FAM135B: variants seen among roughly 807,000 people sequenced by gnomAD.
The protein encoded by FAM135B is family with sequence similarity 135 member B.
In FAM135B, 43 loss-of-function variants were observed where a neutral mutation model predicts 127.7. The observed-to-expected ratio is 0.34, with a 90% CI of 0.26 to 0.43. The LOEUF (loss-of-function observed/expected upper bound fraction) is 0.43. Among genes scored for constraint, FAM135B ranks in the 20% least tolerant of loss-of-function variants. FAM135B has a pLI of 1.00. For synonymous variants in FAM135B, 670 were observed against 665.1 expected (o/e 1.01, Z -0.11); for missense variants, 1,558 against 1,725.6 (o/e 0.90, Z 1.72).
intron 7 of FAM135B, among the ~76,000 whole-genome samples, chr8:138,239,801 A>G (rs1487203111): frequency 6.6e-6 from 1 of 152,206 alleles, no homozygotes; most frequent in Non-Finnish European, 1.5e-5. Context: ...CACATACACC[A>G]TGGAATACTA....
At position 138,174,659 on chromosome 8, in the gene FAM135B, T is replaced by C. The variant is rs575968685; in HGVS notation, c.1103+2688A>G. Among the ~76,000 whole-genome samples, 2 of 152,330 alleles carry C rather than the reference T, an allele frequency of 1.3e-5. 1 individual carries two copies. Among genetic ancestry groups the C allele is most frequent in the African/African-American group, 4.8e-5 (2 of 41,586 alleles). ...TACTATTTACTGAATGCTTACAACA[T>C]TCTCTAATCTCTAAAGTCACTCAGA... On this transcript the variant is annotated intron_variant, in intron 11 of 19. Transcript: ENST00000395297.
intron 3 of FAM135B, among the ~76,000 whole-genome samples, chr8:138,269,569 C>T (rs1823207037): frequency 6.6e-6 from 1 of 152,134 alleles, no homozygotes; most frequent in Non-Finnish European, 1.5e-5. Flanking sequence ...CATATTAGAG[C>T]CAACAGAAGT....
At chr8:138,436,798 G>C (rs1042097883) in intron 1 of FAM135B, 1 of 152,194 alleles carries the variant, frequency 6.6e-6, no homozygotes, top group Non-Finnish European at 1.5e-5. Flanking sequence ...AATCCTTTAA[G>C]ATTTCTGAGT....
chr8:138,221,809 A>C (rs1345331453), intron 7 of FAM135B, among the ~76,000 whole-genome samples: 1 of 152,234 alleles, frequency 6.6e-6, no homozygotes, highest in Admixed American at 6.5e-5. Flanking sequence ...ACCACATCCA[A>C]TTACAAAGCT....
chr8:138,335,723 C>T (rs1209608557), intron 2 of FAM135B, among the ~76,000 whole-genome samples: 5 of 152,138 alleles, frequency 3.3e-5, no homozygotes, highest in African/African-American at 1.2e-4. Context: ...CAAGGATATC[C>T]AGGAATTGAG....
At chr8:138,494,521 T>C (rs1815313163) in intron 1 of FAM135B, among the ~76,000 whole-genome samples, 2 of 151,980 alleles carry the variant, frequency 1.3e-5, no homozygotes, top group Non-Finnish European at 2.9e-5. Context: ...GGCATTTGAG[T>C]TGGGTTGTTA....
intron 7 of FAM135B, among the ~76,000 whole-genome samples, chr8:138,217,494 G>C (rs1332931409): frequency 6.9e-6 from 1 of 144,432 alleles, no homozygotes; most frequent in Non-Finnish European, 1.5e-5. Context: ...GCAGTGGCAC[G>C]ATCTCGGCTC....
intron 11 of FAM135B, among the ~76,000 whole-genome samples, chr8:138,169,098 T>G (rs546525934): frequency 6.6e-6 from 1 of 152,246 alleles, no homozygotes; most frequent in South Asian, 2.1e-4. Flanking sequence ...ATAATATTTA[T>G]GTATGTATAT....
chr8:138,434,187 T>G (rs1835345559), intron 1 of FAM135B, among the ~76,000 whole-genome samples: 1 of 152,230 alleles, frequency 6.6e-6, no homozygotes, highest in South Asian at 2.1e-4. Flanking sequence ...TAATCACCAC[T>G]CTTCATATTT....
chr8:138,383,942 C>G (rs948291152), intron 1 of FAM135B, among the ~76,000 whole-genome samples: 1 of 152,138 alleles, frequency 6.6e-6, no homozygotes, highest in Non-Finnish European at 1.5e-5. Flanking sequence ...CTTTTCCTAG[C>G]CGCCCAGAGG....
intron 2 of FAM135B, among the ~76,000 whole-genome samples, chr8:138,324,214 A>G (rs1827647768): frequency 6.6e-6 from 1 of 152,226 alleles, no homozygotes; most frequent in Non-Finnish European, 1.5e-5. Context: ...TGAAAATTCT[A>G]TGAATTGTAC....
At chr8:138,233,241 C>T (rs1820031818) in intron 7 of FAM135B, among the ~76,000 whole-genome samples, 1 of 152,128 alleles carries the variant, frequency 6.6e-6, no homozygotes, top group Non-Finnish European at 1.5e-5. Flanking sequence ...TATAGACCAA[C>T]TGAATCAAAT....
intron 1 of FAM135B, among the ~76,000 whole-genome samples, chr8:138,453,450 A>C (rs1232029155): frequency 6.6e-6 from 1 of 151,744 alleles, no homozygotes; most frequent in Non-Finnish European, 1.5e-5. Flanking sequence ...AAGAGGCAAA[A>C]TGACTATCTT....
At chr8:138,463,046 C>T (rs16909186) in intron 1 of FAM135B, among the ~76,000 whole-genome samples, 4,570 of 152,208 alleles carry the variant, frequency 0.03, 180 homozygotes, top group African/African-American at 0.089. Context: ...ACACTCAAAA[C>T]GTTTATGATC....
chr8:138,365,062 G>A (rs560772399), intron 2 of FAM135B, among the ~76,000 whole-genome samples: 10 of 152,184 alleles, frequency 6.6e-5, no homozygotes, highest in South Asian at 2.1e-4. Flanking sequence ...GGCCAGGCTC[G>A]TCTCAAACTC....
chr8:138,371,395 C>T (rs1229170997), intron 1 of FAM135B, among the ~76,000 whole-genome samples: 4 of 152,094 alleles, frequency 2.6e-5, no homozygotes, highest in African/African-American at 9.7e-5. Context: ...ATAAAACACA[C>T]ACACACAAAT....
At chr8:138,418,614 C>A (rs910743350) in intron 1 of FAM135B, among the ~76,000 whole-genome samples, 1 of 151,912 alleles carries the variant, frequency 6.6e-6, no homozygotes, top group South Asian at 2.1e-4. Flanking sequence ...AAAAGCCTTA[C>A]AAGACAGAAG....
At chr8:138,184,013 G>A (rs1586712133) in intron 9 of FAM135B, among the ~76,000 whole-genome samples, 1 of 152,192 alleles carries the variant, frequency 6.6e-6, no homozygotes, top group Admixed American at 6.5e-5. Flanking sequence ...ACTGAGCCAT[G>A]GCTGGGATGG....
intron 2 of FAM135B, among the ~76,000 whole-genome samples, chr8:138,345,650 C>A (rs2131085728): frequency 6.6e-6 from 1 of 152,342 alleles, no homozygotes; most frequent in South Asian, 2.1e-4. Flanking sequence ...TCTGAAGCCA[C>A]TCACTGCCCC....
Sources: gnomAD v4.1 joint callset for allele counts (sites outside exome capture counted in the v4.1 genomes callset) on GRCh38, gnomAD v4.1.1 for gene constraint, MANE v1.5 for transcripts, NCBI Gene and HGNC (gene_info 2026-07-23, HGNC 2026-07-21) for gene names.